TEX35: variants seen among roughly 807,000 people sequenced by gnomAD.
TEX35 encodes the protein testis expressed 35, also known as testis-expressed protein 35.
In TEX35, 26 loss-of-function variants were observed where a neutral mutation model predicts 31.9. That is an observed-to-expected ratio of 0.81 (90% CI 0.60 to 1.13). TEX35 has a LOEUF of 1.13. Ranked by LOEUF, TEX35 falls within the 50% of genes most tolerant of loss-of-function variation. TEX35 has a pLI of 0.00. For missense variants in TEX35, 278 were observed against 273.5 expected, an observed-to-expected ratio of 1.02 and a Z score of -0.12; for synonymous variants, 87 against 90.7, an observed-to-expected ratio of 0.96 and a Z score of 0.23.
chr1:178,514,300 A>G, intron 2 of TEX35: 7 of 1,438,870 alleles, frequency 4.9e-6, no homozygotes, highest in Non-Finnish European at 6.5e-6. Flanking sequence ...GCTGGGAATC[A>G]AGACAGGGAG....
intron 8 of TEX35, chr1:178,521,734 T>A (rs1220894820): frequency 1.2e-5 from 19 of 1,551,758 alleles, no homozygotes; most frequent in Non-Finnish European, 1.6e-5. Context: ...AGATGCACAG[T>A]CAGGGCTTCT....
At chr1:178,522,656 T>TA (rs1650328760), downstream of TEX35, 7 of 1,254,040 alleles carry the variant, frequency 5.6e-6, no homozygotes, top group Non-Finnish European at 6.0e-6. Context: ...AGTTCTTTTT[T>TA]TTTGGAATTT....
rs1650316663 is a variant in TEX35, at chr1:178,522,324, G to A, written c.587-1G>A. On this transcript the variant is annotated splice_acceptor_variant, in intron 8 of 8. Transcript: ENST00000319416. LOFTEE classifies it high-confidence loss of function. Reference sequence around the variant, plus strand: ...TCCTCTCCCTCCCTCCACCCCCAAAGGGAACATTCCTTCAGAGGCCTCAGG... The same window carrying A: ...TCCTCTCCCTCCCTCCACCCCCAAAAGGAACATTCCTTCAGAGGCCTCAGG... The A allele has an allele frequency of 6.3e-7, 1 of 1,592,664 alleles. No homozygotes were observed.
At chr1:178,513,351 G>C in intron 1 of TEX35, 124 bp downstream of exon 1, 2 of 1,296,040 alleles carry the variant, frequency 1.5e-6, no homozygotes, top group Non-Finnish European at 2.2e-6. Context: ...TCTCTGTACT[G>C]AGCATAAAGC....
downstream of TEX35, chr1:178,523,442 G>A (rs570388396): frequency 1.0e-4 from 48 of 464,662 alleles, no homozygotes; most frequent in South Asian, 5.1e-4. Context: ...CCTTTTCTCC[G>A]GGTCAAGTTC....
rs575683086 is a variant in TEX35 at position 178,513,880 on chromosome 1, G to C, written c.40-147G>C. On this transcript the variant is annotated intron_variant, in intron 1 of 8. Transcript: ENST00000319416. ...AGGAATCGGATCCGGGTGCTGCGGG[G>C]TCTGTGAGCCTGAGCTCAAGCCAGT... is the stretch of plus-strand genomic sequence containing the variant. The C allele has an allele frequency of 1.8e-4, 148 of 816,360 alleles. 1 individual carries two copies. Among genetic ancestry groups the C allele is most frequent in the Non-Finnish European group, 1.7e-4 (87 of 520,764 alleles). The allele number at this position is 816,360 out of a possible 1,614,324, so 50.6% of individuals were successfully genotyped here.
At chr1:178,523,368 C>A, downstream of TEX35, 1 of 669,796 alleles carries the variant, frequency 1.5e-6, no homozygotes, top group East Asian at 2.8e-5. Flanking sequence ...GAGGAACAAC[C>A]TCCAAACTGT....
chr1:178,516,561 A>G, intron 4 of TEX35, 54 bp from the exon 5 acceptor site: 1 of 1,507,326 alleles, frequency 6.6e-7, no homozygotes, highest in Non-Finnish European at 9.2e-7. Context: ...TGCCACAACT[A>G]ACCTCAATAA....
chr1:178,523,041 G>A (rs1224589467), downstream of TEX35, among the ~76,000 whole-genome samples: 1 of 152,134 alleles, frequency 6.6e-6, no homozygotes, highest in Non-Finnish European at 1.5e-5. Flanking sequence ...AAATAAGTGA[G>A]AACATGCGAT....
At chr1:178,521,700 G>C in intron 8 of TEX35, 1 of 1,551,840 alleles carries the variant, frequency 6.4e-7, no homozygotes, top group Non-Finnish European at 8.7e-7. Context: ...CAGCAGTTCC[G>C]ATTCATCACC....
chr1:178,521,404 C>A (rs1267360240), intron 8 of TEX35, 140 bp downstream of exon 8: 3 of 1,101,262 alleles, frequency 2.7e-6, no homozygotes, highest in Non-Finnish European at 4.2e-6. Flanking sequence ...ATGCTGCCAC[C>A]CAGCATGCTC....
At chr1:178,513,549 G>T (rs1330886116) in intron 1 of TEX35, among the ~76,000 whole-genome samples, 1 of 152,256 alleles carries the variant, frequency 6.6e-6, no homozygotes, top group Non-Finnish European at 1.5e-5. Context: ...CAGGGCTAAG[G>T]CTCAGAATAA....
rs73040007 is a variant in TEX35, at chr1:178,515,002, G to A, written c.159+234G>A. 1.1e-4 allele frequency among the ~76,000 whole-genome samples: 16 copies of A among 152,306 alleles called. No homozygotes were observed. In the South Asian group the frequency reaches 3.1e-3, roughly 30 times the overall value. ...AACAACAGAAAGGGGACGTTTTCTG[G>A]TCTAGGGTCTGATCCAGGATCACAC... On this transcript the variant is annotated intron_variant, in intron 3 of 8. Coordinates refer to ENST00000319416, the MANE Select transcript of TEX35 (RefSeq NM_032126.5).
At chr1:178,523,352 T>C, downstream of TEX35, 1 of 685,876 alleles carries the variant, frequency 1.5e-6, no homozygotes. Flanking sequence ...CAATTTTTAG[T>C]TTTTTGAGGA....
intron 5 of TEX35, among the ~76,000 whole-genome samples, chr1:178,517,601 C>T (rs576529216): frequency 6.6e-5 from 10 of 152,340 alleles, no homozygotes; most frequent in African/African-American, 1.2e-4. Context: ...GAGGTCCAGA[C>T]GCCAGTGGGT....
At chr1:178,518,742 G>C (rs1321331694) in intron 5 of TEX35, among the ~76,000 whole-genome samples, 3 of 152,124 alleles carry the variant, frequency 2.0e-5, no homozygotes, top group South Asian at 2.1e-4. Context: ...TTCTACAAAG[G>C]GCATGCATTA....
At chr1:178,520,971 G>C (rs764337878) in intron 7 of TEX35, 97 bp downstream of exon 7, 26 of 1,568,202 alleles carry the variant, frequency 1.7e-5, no homozygotes, top group Admixed American at 3.8e-5. Flanking sequence ...ATAGTGAAGG[G>C]ACAGGTCCGC....
chr1:178,520,241 A>G, intron 5 of TEX35, 131 bp from the exon 6 acceptor site: 4 of 869,408 alleles, frequency 4.6e-6, no homozygotes, highest in Non-Finnish European at 7.1e-6. Context: ...GACACTCCAA[A>G]AGCCACCTCA....
At position 178,520,655 on chromosome 1, in the gene TEX35, C is replaced by T. The variant is rs551389902; in HGVS notation, c.342-18C>T. On this transcript the variant is annotated intron_variant, in intron 6 of 8. Coordinates refer to ENST00000319416, the MANE Select transcript of TEX35 (RefSeq NM_032126.5). Reference sequence around the variant, plus strand: ...TGTCTCCCCAACTCTCTGCCCCTCCCTGGCCCTCCTCCCCCAGTCCCCTTA... The same window carrying T: ...TGTCTCCCCAACTCTCTGCCCCTCCTTGGCCCTCCTCCCCCAGTCCCCTTA... 6.2e-7 allele frequency: 1 copy of T among 1,612,540 alleles called. No homozygotes were observed. Among genetic ancestry groups the T allele is most frequent in the Non-Finnish European group, 8.5e-7 (1 of 1,179,176 alleles).
Sources: allele counts gnomAD v4.1 joint callset (sites outside exome capture counted in the v4.1 genomes callset), GRCh38; gene constraint gnomAD v4.1.1; transcripts MANE v1.5; gene names NCBI Gene and HGNC (gene_info 2026-07-23, HGNC 2026-07-21).